The following GJC1 variants were observed in gnomAD, a reference collection of about 807,000 sequenced individuals.
The protein encoded by GJC1 is gap junction gamma-1 protein.
A neutral mutation model predicts 29.3 loss-of-function variants in GJC1; 5 were observed. The ratio of observed to expected loss-of-function variants is 0.17; its 90% CI spans 0.09 to 0.36. GJC1 has a LOEUF of 0.36. GJC1 is among the 10% of genes least tolerant of loss of function. The pLI is 1.00. For missense variants in GJC1, 310 were observed against 496.2 expected (o/e 0.62, Z 3.56); for synonymous variants, 177 against 183.3 (o/e 0.97, Z 0.28).
At chr17:44,825,447 C>CT (rs2050163292) in intron 1 of GJC1, among the ~76,000 whole-genome samples, 1 of 151,958 alleles carries the variant, frequency 6.6e-6, no homozygotes, top group African/African-American at 2.4e-5. Context: ...GATTGCGCGA[C>CT]TGCACTCCAG....
At chr17:44,827,161 T>C (rs1271031354) in intron 1 of GJC1, among the ~76,000 whole-genome samples, 1 of 151,862 alleles carries the variant, frequency 6.6e-6, no homozygotes, top group African/African-American at 2.4e-5. Flanking sequence ...AAATACAAAA[T>C]TAGCTGGGCA....
At chr17:44,810,467 C>A (rs1401795370) in intron 1 of GJC1, among the ~76,000 whole-genome samples, 1 of 152,162 alleles carries the variant, frequency 6.6e-6, no homozygotes, top group Non-Finnish European at 1.5e-5. Flanking sequence ...ACTGATTAAG[C>A]TGCAGACGTG....
chr17:44,810,434 A>G (rs1313279212), intron 1 of GJC1, among the ~76,000 whole-genome samples: 3 of 152,234 alleles, frequency 2.0e-5, no homozygotes, highest in Admixed American at 6.5e-5. Context: ...CCATTTTAAC[A>G]CATCCATTAG....
At chr17:44,816,436 T>C (rs985821281) in intron 1 of GJC1, among the ~76,000 whole-genome samples, 3 of 152,302 alleles carry the variant, frequency 2.0e-5, no homozygotes, top group Admixed American at 6.5e-5. Flanking sequence ...GAGTTTTCTA[T>C]AGGTTATATC....
At position 44,804,655 on chromosome 17, in the gene GJC1, CCT is replaced by C; in HGVS notation, c.1161_1162del (p.Asp389TrpfsTer29). ...AATCCAGACGGAGGTCTTCCCATCC[CCT>C]GATTTGCTACTGGCAGTGCTTTTGT... is the stretch of plus-strand genomic sequence containing the variant. On this transcript the variant is annotated frameshift_variant, in exon 3 of 3. Coordinates refer to ENST00000592524, the MANE Select transcript of GJC1 (RefSeq NM_005497.4). LOFTEE classifies it high-confidence loss of function. 3 of 1,613,722 alleles carry C rather than the reference CCT, an allele frequency of 1.9e-6. No homozygotes were observed. The highest frequency in any genetic ancestry group is 2.5e-6 in the Non-Finnish European group (3 of 1,179,810).
intron 1 of GJC1, among the ~76,000 whole-genome samples, chr17:44,819,004 C>A (rs945547637): frequency 3.3e-5 from 5 of 151,674 alleles, no homozygotes; most frequent in African/African-American, 1.2e-4. Context: ...CACTAAAAAC[C>A]CCCCTCATTA....
At chr17:44,829,539 T>A (rs1381302680) in intron 1 of GJC1, 1 of 151,970 alleles carries the variant, frequency 6.6e-6, no homozygotes, top group Non-Finnish European at 1.5e-5. Context: ...GAGGCAGGAG[T>A]TCCAGCGGGG....
downstream of GJC1, chr17:44,794,803 C>G (rs917413953): frequency 6.6e-6 from 1 of 152,112 alleles, no homozygotes; most frequent in African/African-American, 2.4e-5. Flanking sequence ...CCCAGGAGAG[C>G]CAGGCAGACA....
At position 44,804,949 on chromosome 17, in the gene GJC1, T is replaced by C. The variant is rs1318211677; in HGVS notation, c.869A>G (p.Tyr290Cys). 1.2e-6 allele frequency: 2 copies of C among 1,614,150 alleles called. No homozygotes were observed. Among genetic ancestry groups the C allele is most frequent in the Non-Finnish European group, 1.7e-6 (2 of 1,179,998 alleles). Residue 290 changes from tyrosine to cysteine, a missense_variant, in exon 3 of 3, where the codon TAT (tyrosine) becomes TGT (cysteine). By Grantham distance (194) the Tyr-to-Cys change is radical. Around this residue, in one of 4 missense-constraint regions of GJC1, gnomAD observed 146 missense variants for 165.0 expected, o/e 0.88. Coordinates refer to ENST00000592524, the MANE Select transcript of GJC1 (RefSeq NM_005497.4). The part of the protein sequence containing the change: ...TWNTPSAPPG[Y>C]NIAVKPDQIQ... Reference sequence around the variant, plus strand: ...TTGATCTGGTTTGACAGCAATGTTATAGCCAGGGGGAGCAGATGGTGTATT... The same window carrying C: ...TTGATCTGGTTTGACAGCAATGTTACAGCCAGGGGGAGCAGATGGTGTATT...
chr17:44,824,842 T>C (rs1228577462), intron 1 of GJC1, among the ~76,000 whole-genome samples: 5 of 95,436 alleles, frequency 5.2e-5, no homozygotes, highest in African/African-American at 1.2e-4. Context: ...TCAAGTGCAA[T>C]AGTGAGAAGG....
At chr17:44,814,846 G>A (rs2050024415) in intron 1 of GJC1, among the ~76,000 whole-genome samples, 1 of 152,052 alleles carries the variant, frequency 6.6e-6, no homozygotes, top group African/African-American at 2.4e-5. Flanking sequence ...GGAGGCTGAG[G>A]CAGGAGAACC....
intron 1 of GJC1, chr17:44,807,836 C>G (rs1006495240): frequency 6.6e-6 from 1 of 152,192 alleles, no homozygotes; most frequent in Non-Finnish European, 1.5e-5. Context: ...AACCTTCACC[C>G]CATCTGCTCT....
chr17:44,829,214 C>G (rs1305828295), intron 1 of GJC1, among the ~76,000 whole-genome samples: 1 of 152,014 alleles, frequency 6.6e-6, no homozygotes, highest in Non-Finnish European at 1.5e-5. Flanking sequence ...AGGAAAAGTA[C>G]TCCCAATCAG....
At chr17:44,810,199 G>A (rs2049961566) in intron 1 of GJC1, among the ~76,000 whole-genome samples, 1 of 150,408 alleles carries the variant, frequency 6.6e-6, no homozygotes, top group Admixed American at 6.6e-5. Context: ...TTATCACCAT[G>A]TTGGCCAGGC....
downstream of GJC1, among the ~76,000 whole-genome samples, chr17:44,796,393 G>A (rs904204517): frequency 6.6e-6 from 1 of 152,104 alleles, no homozygotes; most frequent in Non-Finnish European, 1.5e-5. Context: ...AGATTATTTG[G>A]CTGAACCCAG....
intron 2 of GJC1, among the ~76,000 whole-genome samples, chr17:44,807,065 A>G (rs1003028575): frequency 1.3e-5 from 2 of 152,240 alleles, no homozygotes; most frequent in Non-Finnish European, 2.9e-5. Context: ...CCTTTACTAT[A>G]TAACAGAATC....
chr17:44,800,990 A>G lies in GJC1; in HGVS notation c.*3637T>C, dbSNP rs2049837669. 1 of 151,624 alleles carries G rather than the reference A, an allele frequency of 6.6e-6. No homozygotes were observed. The highest frequency in any genetic ancestry group is 2.4e-5 in the African/African-American group (1 of 41,278). 9.4% of individuals were successfully genotyped at this position (151,624 alleles called of 1,614,324 possible). A position where few individuals can be genotyped will look rare whatever the true frequency, so the allele number is the denominator to read the frequency against. On this transcript the variant is annotated 3_prime_UTR_variant, in exon 3 of 3. Transcript: ENST00000592524. Reference sequence around the variant, plus strand: ...AATCTTCTGAATAACGGGTTTTAAGAGCAGGCCAGGCGCGGTGGCTCACGC... The same window carrying G: ...AATCTTCTGAATAACGGGTTTTAAGGGCAGGCCAGGCGCGGTGGCTCACGC...
At chr17:44,813,870 A>G (rs1395532295) in intron 1 of GJC1, among the ~76,000 whole-genome samples, 1 of 152,060 alleles carries the variant, frequency 6.6e-6, no homozygotes, top group African/African-American at 2.4e-5. Flanking sequence ...AACATTTTGA[A>G]AACATTAGTC....
chr17:44,829,596 G>A (rs576581123), intron 1 of GJC1: 6 of 152,222 alleles, frequency 3.9e-5, no homozygotes, highest in African/African-American at 1.2e-4. Flanking sequence ...GGAGACGCAG[G>A]GATCGAGGTC....
Sources: gnomAD v4.1 joint callset for allele counts (sites outside exome capture counted in the v4.1 genomes callset) on GRCh38, gnomAD v4.1.1 for gene constraint, gnomAD v4.1.1 regional missense constraint, MANE v1.5 for transcripts, NCBI Gene and HGNC (gene_info 2026-07-23, HGNC 2026-07-21) for gene names.